Variants in CNTN6 observed in about 807,000 individuals in gnomAD.
CNTN6 encodes the protein contactin 6.
CNTN6 carries 137 observed loss-of-function variants against 122.8 expected under a neutral mutation model. That is an observed-to-expected ratio of 1.12 (90% CI 0.97 to 1.29). The LOEUF is 1.29. Ranked by LOEUF, CNTN6 falls within the 50% of genes most tolerant of loss-of-function variation. The probability of loss-of-function intolerance (pLI) is 0.00; values close to 1 mark genes in which losing one functional copy is unlikely to be tolerated. For missense variants in CNTN6, 1,634 were observed against 1,223.4 expected, an observed-to-expected ratio of 1.34 and a Z score of -5.01; for synonymous variants, 570 against 426.0, an observed-to-expected ratio of 1.34 and a Z score of -4.16.
chr3:1,176,290 G>A (rs1413642302), intron 2 of CNTN6, among the ~76,000 whole-genome samples: 1 of 152,156 alleles, frequency 6.6e-6, no homozygotes, highest in Non-Finnish European at 1.5e-5. Context: ...GGTGGTGAAT[G>A]CCTGTAATCC....
At chr3:1,263,591 T>G (rs1285559602) in intron 4 of CNTN6, among the ~76,000 whole-genome samples, 2 of 152,154 alleles carry the variant, frequency 1.3e-5, no homozygotes, top group Non-Finnish European at 2.9e-5. Context: ...GGTCTTTTGC[T>G]CTCTTCAATT....
intron 10 of CNTN6, among the ~76,000 whole-genome samples, chr3:1,329,283 A>G (rs1254433559): frequency 6.6e-6 from 1 of 151,524 alleles, no homozygotes; most frequent in African/African-American, 2.4e-5. Context: ...TATCATATGT[A>G]TGTATATGAC....
chr3:1,274,324 G>C (rs80060044), intron 4 of CNTN6, among the ~76,000 whole-genome samples: 154 of 152,238 alleles, frequency 1.0e-3, no homozygotes, highest in African/African-American at 3.7e-3. Context: ...CATGGCCAAA[G>C]AAGAAAGGAA....
At chr3:1,252,323 G>C (rs1409106717) in intron 4 of CNTN6, among the ~76,000 whole-genome samples, 3 of 152,068 alleles carry the variant, frequency 2.0e-5, no homozygotes, top group Non-Finnish European at 4.4e-5. Flanking sequence ...ATTTTTGTGT[G>C]ACTTTTTTCT....
intron 2 of CNTN6, among the ~76,000 whole-genome samples, chr3:1,154,811 A>C (rs138936926): frequency 1.3e-5 from 2 of 152,160 alleles, no homozygotes; most frequent in African/African-American, 2.4e-5. Context: ...ACTCCTTGCC[A>C]TTCCATCAAG....
intron 2 of CNTN6, among the ~76,000 whole-genome samples, chr3:1,182,239 C>T (rs1204580360): frequency 2.0e-5 from 3 of 152,124 alleles, no homozygotes; most frequent in African/African-American, 7.2e-5. Context: ...AGCTCAACAT[C>T]CCTGTGCATG....
chr3:1,396,927 C>G (rs1056861383), intron 20 of CNTN6, among the ~76,000 whole-genome samples: 2 of 152,332 alleles, frequency 1.3e-5, no homozygotes, highest in Admixed American at 6.5e-5. Flanking sequence ...TCAGCACTGT[C>G]ACTGTCTAGA....
chr3:1,269,207 C>T (rs879854924), intron 4 of CNTN6, among the ~76,000 whole-genome samples: 11 of 152,052 alleles, frequency 7.2e-5, no homozygotes, highest in Non-Finnish European at 1.2e-4. Context: ...TAGAAAGATA[C>T]TAAATAATCT....
chr3:1,118,831 T>C (rs1873178), intron 1 of CNTN6, among the ~76,000 whole-genome samples: 76,462 of 151,730 alleles, frequency 0.5, 21,131 homozygotes, highest in Non-Finnish European at 0.61. Context: ...TTGGTGTTAA[T>C]AAGATGGCTG....
intron 5 of CNTN6, among the ~76,000 whole-genome samples, chr3:1,291,127 C>T (rs539818535): frequency 3.3e-5 from 5 of 152,298 alleles, no homozygotes; most frequent in Non-Finnish European, 7.3e-5. Flanking sequence ...GCTCCTCCCA[C>T]ATGTTATGAA....
intron 4 of CNTN6, among the ~76,000 whole-genome samples, chr3:1,238,955 G>A (rs1343057039): frequency 6.6e-6 from 1 of 152,134 alleles, no homozygotes; most frequent in Non-Finnish European, 1.5e-5. Flanking sequence ...TGAAGCGGGA[G>A]ATATTACAAC....
At chr3:1,247,445 A>G (rs904547129) in intron 4 of CNTN6, among the ~76,000 whole-genome samples, 4 of 141,290 alleles carry the variant, frequency 2.8e-5, no homozygotes, top group Admixed American at 1.5e-4. Context: ...AAAATAGACT[A>G]TATGGTTTAA....
At chr3:1,119,847 T>C (rs190828132) in intron 1 of CNTN6, among the ~76,000 whole-genome samples, 9 of 152,186 alleles carry the variant, frequency 5.9e-5, no homozygotes, top group African/African-American at 2.2e-4. Flanking sequence ...AGAATACTTA[T>C]ATCACCCAAG....
At chr3:1,174,300 A>C (rs1433432660) in intron 2 of CNTN6, among the ~76,000 whole-genome samples, 2 of 152,140 alleles carry the variant, frequency 1.3e-5, no homozygotes, top group African/African-American at 4.8e-5. Context: ...GAGGCACCCA[A>C]TTTACTAAAT....
chr3:1,341,470 G>C (rs561085075), intron 11 of CNTN6, among the ~76,000 whole-genome samples: 24 of 152,016 alleles, frequency 1.6e-4, no homozygotes, highest in Non-Finnish European at 3.1e-4. Context: ...ATGCTGTTTT[G>C]TTAATGTTAA....
At chr3:1,391,414 AAG>A (rs1296072101) in intron 20 of CNTN6, among the ~76,000 whole-genome samples, 1 of 108,942 alleles carries the variant, frequency 9.2e-6, no homozygotes, top group East Asian at 2.5e-4. Flanking sequence ...TCAAAATAAT[AAG>A]AGCTATCTAT....
intron 20 of CNTN6, among the ~76,000 whole-genome samples, chr3:1,399,403 T>C (rs1052974574): frequency 1.3e-5 from 2 of 152,126 alleles, no homozygotes; most frequent in African/African-American, 4.8e-5. Flanking sequence ...ATAAGCATTA[T>C]AAATGACAAG....
intron 2 of CNTN6, among the ~76,000 whole-genome samples, chr3:1,208,049 C>G (rs2093981893): frequency 6.6e-6 from 1 of 152,064 alleles, no homozygotes; most frequent in Non-Finnish European, 1.5e-5. Context: ...TTCTTGTCCT[C>G]TTTATTCCTA....
At chr3:1,362,156 T>G (rs976026590) in intron 12 of CNTN6, among the ~76,000 whole-genome samples, 2 of 152,100 alleles carry the variant, frequency 1.3e-5, no homozygotes, top group African/African-American at 4.8e-5. Context: ...TTCATATCAG[T>G]TTCGGACCAG....
Sources: allele counts gnomAD v4.1 joint callset (sites outside exome capture counted in the v4.1 genomes callset), GRCh38; gene constraint gnomAD v4.1.1; transcripts MANE v1.5; gene names NCBI Gene and HGNC (gene_info 2026-07-23, HGNC 2026-07-21).